The following CNTNAP2 variants were observed in gnomAD, a reference collection of about 807,000 sequenced individuals.
CNTNAP2 encodes contactin-associated protein-like 2.
In CNTNAP2, 98 loss-of-function variants were observed where a neutral mutation model predicts 155.2. The observed-to-expected ratio is 0.63, with a 90% CI of 0.54 to 0.75. The LOEUF is 0.75. Ranked by LOEUF, CNTNAP2 falls within the 30% of genes least tolerant of loss-of-function variation. The pLI, the probability that CNTNAP2 is intolerant of heterozygous loss-of-function variation, is 0.00. For synonymous variants in CNTNAP2, 651 were observed against 631.2 expected (o/e 1.03, Z -0.47); for missense variants, 1,727 against 1,688.1 (o/e 1.02, Z -0.40).
chr7:147,551,269 A>G lies in CNTNAP2; in HGVS notation c.1778-10869A>G, dbSNP rs116803785. 6.2e-3 allele frequency among the ~76,000 whole-genome samples: 948 copies of G among 152,304 alleles called. 8 individuals carry two copies. Among genetic ancestry groups the G allele is most frequent in the African/African-American group, 0.022 (910 of 41,572 alleles). On this transcript the variant is annotated intron_variant, in intron 11 of 23. Transcript: ENST00000361727. Reference sequence around the variant, plus strand: ...TAGGATCAATAAAGTCAGAATAAAGATCACAAAAACTTTCATTACAGTGCG... The same window carrying G: ...TAGGATCAATAAAGTCAGAATAAAGGTCACAAAAACTTTCATTACAGTGCG...
chr7:147,610,398 G>A (rs1460958309), intron 12 of CNTNAP2, among the ~76,000 whole-genome samples: 3 of 151,988 alleles, frequency 2.0e-5, no homozygotes, highest in Non-Finnish European at 4.4e-5. Flanking sequence ...TGACAATTGA[G>A]TTCCTTTTGA....
intron 13 of CNTNAP2, chr7:147,672,183 T>C (rs369282169): frequency 2.6e-5 from 4 of 152,328 alleles, no homozygotes; most frequent in African/African-American, 9.6e-5. Flanking sequence ...GAAAAAATTG[T>C]ACTTTAGGGA....
At chr7:146,392,617 C>T (rs1005266376) in intron 1 of CNTNAP2, among the ~76,000 whole-genome samples, 3 of 152,294 alleles carry the variant, frequency 2.0e-5, no homozygotes, top group East Asian at 3.9e-4. Context: ...GTAACTGCAA[C>T]CTTCTTTCAA....
At chr7:147,865,568 TG>T (rs1259699782) in intron 13 of CNTNAP2, among the ~76,000 whole-genome samples, 2 of 152,114 alleles carry the variant, frequency 1.3e-5, no homozygotes, top group African/African-American at 2.4e-5. Flanking sequence ...GGACTTTTTT[TG>T]ATTGGTAGGC....
rs1258913949 is a variant in CNTNAP2, at chr7:146,451,847, C to CGTGTATATAT, written c.98-322424_98-322423insGTGTATATAT. 3.9e-4 allele frequency among the ~76,000 whole-genome samples: 33 copies of CGTGTATATAT among 83,740 alleles called. 1 individual carries two copies. Among genetic ancestry groups the CGTGTATATAT allele is most frequent in the African/African-American group, 7.3e-4 (20 of 27,338 alleles). 54.9% of individuals were successfully genotyped at this position (83,740 alleles called of 152,430 possible). A position where few individuals can be genotyped will look rare whatever the true frequency, so the allele number is the denominator to read the frequency against. On this transcript the variant is annotated intron_variant, in intron 1 of 23. Coordinates refer to ENST00000361727, the MANE Select transcript of CNTNAP2 (RefSeq NM_014141.6). ...ACGTATATATATACATATATATATA[C>CGTGTATATAT]ACGTATTCTATATATATATATACGT...
At chr7:147,637,464 A>G (rs138321270) in intron 12 of CNTNAP2, among the ~76,000 whole-genome samples, 5 of 152,254 alleles carry the variant, frequency 3.3e-5, no homozygotes, top group African/African-American at 1.2e-4. Context: ...CCATGTACCA[A>G]AATAAGACCA....
chr7:146,575,375 A>G (rs1039489072), intron 1 of CNTNAP2, among the ~76,000 whole-genome samples: 1 of 152,214 alleles, frequency 6.6e-6, no homozygotes, highest in African/African-American at 2.4e-5. Context: ...TCAGCCTCCC[A>G]AAGTGCTGGG....
At chr7:146,251,468 A>G (rs145020499) in intron 1 of CNTNAP2, among the ~76,000 whole-genome samples, 3 of 152,306 alleles carry the variant, frequency 2.0e-5, no homozygotes, top group African/African-American at 4.8e-5. Context: ...GTGTAATTTT[A>G]TAATAAAATA....
chr7:147,974,228 G>A (rs1303956730), intron 14 of CNTNAP2, among the ~76,000 whole-genome samples: 4 of 152,092 alleles, frequency 2.6e-5, no homozygotes, highest in Non-Finnish European at 5.9e-5. Context: ...CATAATAATT[G>A]GAATATTTCC....
chr7:146,808,319 T>A (rs1183098368), intron 2 of CNTNAP2, among the ~76,000 whole-genome samples: 1 of 152,344 alleles, frequency 6.6e-6, no homozygotes, highest in Admixed American at 6.5e-5. Context: ...CAAGATGCTG[T>A]GCATTGATTG....
chr7:147,949,548 A>T (rs1800888386), intron 14 of CNTNAP2, among the ~76,000 whole-genome samples: 1 of 151,926 alleles, frequency 6.6e-6, no homozygotes, highest in African/African-American at 2.4e-5. Context: ...AAACTTAGAA[A>T]CACAGCTAGG....
At chr7:147,278,728 C>T (rs1440752681) in intron 8 of CNTNAP2, among the ~76,000 whole-genome samples, 1 of 151,204 alleles carries the variant, frequency 6.6e-6, no homozygotes. Flanking sequence ...TAATTGTCTC[C>T]ATTATATAGC....
At chr7:146,398,355 G>A (rs2129107770) in intron 1 of CNTNAP2, among the ~76,000 whole-genome samples, 1 of 152,008 alleles carries the variant, frequency 6.6e-6, no homozygotes, top group East Asian at 1.9e-4. Flanking sequence ...TTCACGTGGT[G>A]GCAAGAAGAA....
intron 11 of CNTNAP2, among the ~76,000 whole-genome samples, chr7:147,498,192 TCTC>T (rs1798745487): frequency 1.5e-5 from 2 of 130,210 alleles, no homozygotes; most frequent in Non-Finnish European, 3.3e-5. Context: ...AAAAAAAAAA[TCTC>T]CTCTCTTCTC....
rs2710113 is a variant in CNTNAP2, at chr7:147,900,436, C to T, written c.2099-3129C>T. Among the ~76,000 whole-genome samples the T allele has an allele frequency of 5.1e-3, 776 of 152,214 alleles. 4 individuals are homozygous for T. Among genetic ancestry groups the T allele is most frequent in the African/African-American group, 0.018 (743 of 41,520 alleles). On this transcript the variant is annotated intron_variant, in intron 13 of 23. Transcript: ENST00000361727. ...TCTCTCTCCTGCCCCCATGAGAAGA[C>T]GTGCCTTGCTTACCCTTCTTCGTCT... is the stretch of plus-strand genomic sequence containing the variant.
chr7:147,629,954 G>GA (rs1177243008), intron 12 of CNTNAP2, among the ~76,000 whole-genome samples: 10 of 149,910 alleles, frequency 6.7e-5, no homozygotes, highest in African/African-American at 1.5e-4. Context: ...AAACCCAGCA[G>GA]AAAAAAAGAA....
chr7:147,579,856 G>C (rs574055595), intron 12 of CNTNAP2, among the ~76,000 whole-genome samples: 11 of 152,066 alleles, frequency 7.2e-5, no homozygotes, highest in Non-Finnish European at 1.6e-4. Flanking sequence ...ATACACTTGG[G>C]AAATTCTGGC....
chr7:146,164,906 C>A (rs573656962), intron 1 of CNTNAP2, among the ~76,000 whole-genome samples: 2 of 152,038 alleles, frequency 1.3e-5, no homozygotes, highest in South Asian at 2.1e-4. Context: ...GGAAGTTATT[C>A]GGAGTTTGAA....
At chr7:147,125,984 C>T (rs755535361) in intron 6 of CNTNAP2, among the ~76,000 whole-genome samples, 31 of 152,230 alleles carry the variant, frequency 2.0e-4, no homozygotes, top group African/African-American at 2.6e-4. Context: ...CACTCAAAGA[C>T]GGCTGCTAAC....
Sources: allele counts gnomAD v4.1 joint callset (sites outside exome capture counted in the v4.1 genomes callset), GRCh38; gene constraint gnomAD v4.1.1; transcripts MANE v1.5; gene names NCBI Gene and HGNC (gene_info 2026-07-23, HGNC 2026-07-21).